The following LRRC4C variants were observed in gnomAD, a reference collection of about 807,000 sequenced individuals.
The protein encoded by LRRC4C is leucine rich repeat containing 4C, also known as leucine-rich repeat-containing protein 4C.
A neutral mutation model predicts 33.6 loss-of-function variants in LRRC4C; 5 were observed. The ratio of observed to expected loss-of-function variants is 0.15; its 90% confidence interval spans 0.08 to 0.31. LRRC4C has a LOEUF of 0.31. LRRC4C is among the 10% of genes least tolerant of loss of function. LRRC4C has a pLI of 1.00. For missense variants in LRRC4C, 560 were observed against 796.7 expected (o/e 0.70, Z 3.58); for synonymous variants, 329 against 302.0 (o/e 1.09, Z -0.93).
chr11:41,155,392 T>C (rs1196733215), intron 1 of LRRC4C, among the ~76,000 whole-genome samples: 1 of 152,162 alleles, frequency 6.6e-6, no homozygotes, highest in East Asian at 1.9e-4. Context: ...TCTTGAAAGT[T>C]CATTGCACAG....
At chr11:40,271,630 A>T (rs1942705904) in intron 4 of LRRC4C, among the ~76,000 whole-genome samples, 1 of 152,142 alleles carries the variant, frequency 6.6e-6, no homozygotes, top group South Asian at 2.1e-4. Flanking sequence ...GAAGCCACTA[A>T]GGCAGTATTT....
chr11:40,126,369 T>C (rs566217851), intron 6 of LRRC4C, among the ~76,000 whole-genome samples: 1 of 152,240 alleles, frequency 6.6e-6, no homozygotes, highest in Admixed American at 6.5e-5. Flanking sequence ...GGTGAGATGT[T>C]CTGACTACAG....
chr11:41,182,400 C>G (rs1287844891), intron 1 of LRRC4C, among the ~76,000 whole-genome samples: 1 of 152,134 alleles, frequency 6.6e-6, no homozygotes, highest in Non-Finnish European at 1.5e-5. Flanking sequence ...ACCAATTTAT[C>G]TCTACTGTAT....
At position 41,141,551 on chromosome 11, in the gene LRRC4C, G is replaced by A. The variant is rs960100446; in HGVS notation, c.-495-207828C>T. On this transcript the variant is annotated intron_variant, in intron 1 of 6. Coordinates refer to ENST00000528697, the MANE Select transcript of LRRC4C (RefSeq NM_001258419.2). ...CCTTGAATTGTAATAACCCCCATGA[G>A]TCAAGGGCAGGACCAGTGGAGATAA... Among the ~76,000 whole-genome samples the A allele has an allele frequency of 2.0e-5, 3 of 152,130 alleles. 1 individual carries two copies. Among genetic ancestry groups the A allele is most frequent in the Admixed American group, 2.0e-4 (3 of 15,264 alleles).
At chr11:40,919,404 A>T (rs1957086341) in intron 2 of LRRC4C, among the ~76,000 whole-genome samples, 1 of 152,128 alleles carries the variant, frequency 6.6e-6, no homozygotes, top group Non-Finnish European at 1.5e-5. Context: ...AGGATTAATA[A>T]CTCATAGCGT....
intron 1 of LRRC4C, among the ~76,000 whole-genome samples, chr11:41,343,381 CA>C (rs1951700182): frequency 6.6e-6 from 1 of 152,034 alleles, no homozygotes; most frequent in Admixed American, 6.5e-5. Context: ...CAAAACAAAA[CA>C]AAACAAAACA....
intron 2 of LRRC4C, among the ~76,000 whole-genome samples, chr11:40,660,778 CATG>C (rs1344646600): frequency 6.6e-6 from 1 of 152,126 alleles, no homozygotes; most frequent in Admixed American, 6.6e-5. Context: ...GCCCATTTAC[CATG>C]ATAATTTCCA....
At chr11:40,665,335 T>A (rs1312438715) in intron 2 of LRRC4C, among the ~76,000 whole-genome samples, 4 of 9,860 alleles carry the variant, frequency 4.1e-4, no homozygotes, top group African/African-American at 1.1e-3. Context: ...AATATATATA[T>A]ATATATATAT....
At chr11:40,335,387 T>C (rs1946552158) in intron 3 of LRRC4C, among the ~76,000 whole-genome samples, 1 of 152,242 alleles carries the variant, frequency 6.6e-6, no homozygotes, top group Admixed American at 6.5e-5. Flanking sequence ...TATTGAGATG[T>C]AAGACAGAAG....
intron 3 of LRRC4C, among the ~76,000 whole-genome samples, chr11:40,459,704 ACT>A (rs943326717): frequency 3.9e-5 from 6 of 152,170 alleles, no homozygotes; most frequent in Non-Finnish European, 7.3e-5. Flanking sequence ...AAGGGTGATG[ACT>A]CACAAAGCTC....
chr11:40,227,873 T>C (rs1864922693), intron 5 of LRRC4C, among the ~76,000 whole-genome samples: 1 of 152,092 alleles, frequency 6.6e-6, no homozygotes, highest in African/African-American at 2.4e-5. Context: ...AGGAAAAAGA[T>C]CTACCACTCA....
intron 1 of LRRC4C, among the ~76,000 whole-genome samples, chr11:41,395,880 A>C (rs1322675904): frequency 6.6e-6 from 1 of 152,058 alleles, no homozygotes; most frequent in African/African-American, 2.4e-5. Context: ...TGTGAATCTC[A>C]GGGAACTAAA....
intron 5 of LRRC4C, among the ~76,000 whole-genome samples, chr11:40,209,555 A>AT (rs1186662432): frequency 6.6e-6 from 1 of 152,036 alleles, no homozygotes; most frequent in Non-Finnish European, 1.5e-5. Context: ...ATATATACAT[A>AT]TTTTTGAGAT....
intron 1 of LRRC4C, among the ~76,000 whole-genome samples, chr11:41,117,056 C>G (rs1014532861): frequency 6.6e-6 from 1 of 152,146 alleles, no homozygotes; most frequent in African/African-American, 2.4e-5. Context: ...ACTAGGAACA[C>G]TGGAACACTG....
At chr11:40,461,404 T>C (rs2138188041) in intron 3 of LRRC4C, among the ~76,000 whole-genome samples, 1 of 152,232 alleles carries the variant, frequency 6.6e-6, no homozygotes, top group Middle Eastern at 3.4e-3. Flanking sequence ...GCAAGAGTTG[T>C]AACTTTCTAG....
At chr11:40,883,363 A>G (rs1955279559) in intron 2 of LRRC4C, among the ~76,000 whole-genome samples, 1 of 152,102 alleles carries the variant, frequency 6.6e-6, no homozygotes, top group East Asian at 1.9e-4. Context: ...ACTTACTCCT[A>G]AAGTGACTGG....
At chr11:40,568,789 A>C (rs2135551430) in intron 3 of LRRC4C, among the ~76,000 whole-genome samples, 1 of 152,312 alleles carries the variant, frequency 6.6e-6, no homozygotes, top group African/African-American at 2.4e-5. Context: ...AACTATGGCA[A>C]GTTGTCATGG....
At chr11:41,427,378 G>T (rs1955076521) in intron 1 of LRRC4C, among the ~76,000 whole-genome samples, 1 of 152,072 alleles carries the variant, frequency 6.6e-6, no homozygotes, top group Non-Finnish European at 1.5e-5. Flanking sequence ...TTGGAAATTA[G>T]ATTCTGTCAT....
At chr11:40,924,491 G>A (rs1957333586) in intron 2 of LRRC4C, among the ~76,000 whole-genome samples, 1 of 152,102 alleles carries the variant, frequency 6.6e-6, no homozygotes, top group Non-Finnish European at 1.5e-5. Flanking sequence ...AAATAGGTAA[G>A]GCTGGGCAGG....
Sources: allele counts gnomAD v4.1 joint callset (sites outside exome capture counted in the v4.1 genomes callset), GRCh38; gene constraint gnomAD v4.1.1; transcripts MANE v1.5; gene names NCBI Gene and HGNC (gene_info 2026-07-23, HGNC 2026-07-21).